Variants in CCND3 observed in about 807,000 individuals in gnomAD.
CCND3 encodes cyclin D3.
CCND3 carries 9 observed loss-of-function variants against 28.7 expected under a neutral mutation model. The observed-to-expected ratio is 0.31, with a 90% CI of 0.19 to 0.55. The LOEUF (loss-of-function observed/expected upper bound fraction) is 0.55. CCND3 is among the 20% of genes least tolerant of loss of function. The probability of loss-of-function intolerance (pLI) is 0.93; values close to 1 mark genes in which losing one functional copy is unlikely to be tolerated. For synonymous variants in CCND3, 164 were observed against 163.9 expected, an observed-to-expected ratio of 1.00 and a Z score of 0.00; for missense variants, 315 against 385.8, an observed-to-expected ratio of 0.82 and a Z score of 1.54.
intron 1 of CCND3, among the ~76,000 whole-genome samples, chr6:41,989,479 A>AAAC (rs1762591326): frequency 6.7e-6 from 1 of 149,726 alleles, no homozygotes; most frequent in African/African-American, 2.5e-5. Flanking sequence ...AAAAAAAAAA[A>AAAC]CAGAAAAGAA....
intron 1 of CCND3, among the ~76,000 whole-genome samples, chr6:41,955,058 A>G (rs1332055988): frequency 6.6e-6 from 1 of 152,174 alleles, no homozygotes; most frequent in Non-Finnish European, 1.5e-5. Context: ...CCTCAAGTTA[A>G]ATATCTTTAC....
intron 1 of CCND3, among the ~76,000 whole-genome samples, chr6:42,042,244 C>T (rs556826842): frequency 6.6e-6 from 1 of 152,310 alleles, no homozygotes; most frequent in South Asian, 2.1e-4. Flanking sequence ...GACGATGATG[C>T]CCATGATATG....
In CCND3 at chr6:41,936,237, T is replaced by C; in HGVS notation, c.712-130A>G. On this transcript the variant is annotated intron_variant, in intron 4 of 4. Coordinates refer to ENST00000372991, the MANE Select transcript of CCND3 (RefSeq NM_001760.5). The surrounding 1 kb of genome is among the most constrained non-coding windows in gnomAD (Gnocchi z 4.4). ...TTAGGCCACAGCCCGGCCCCAGGAA[T>C]CGCTCTTTAGTTCTCAGAAACTAGC... The C allele has an allele frequency of 9.8e-7, 1 of 1,023,614 alleles. No individual in the cohort carries two copies. The highest frequency in any genetic ancestry group is 2.5e-5 in the East Asian group (1 of 39,864). 63.4% of individuals were successfully genotyped at this position (1,023,614 alleles called of 1,614,324 possible). A position where few individuals can be genotyped will look rare whatever the true frequency, so the allele number is the denominator to read the frequency against.
At chr6:41,956,291 C>G (rs533418012) in intron 1 of CCND3, among the ~76,000 whole-genome samples, 5 of 151,120 alleles carry the variant, frequency 3.3e-5, no homozygotes, top group Non-Finnish European at 7.4e-5. Flanking sequence ...GACTCCTTCT[C>G]AAAAAAAATA....
intron 1 of CCND3, among the ~76,000 whole-genome samples, chr6:41,989,794 A>G (rs575070319): frequency 1.3e-5 from 2 of 152,276 alleles, no homozygotes; most frequent in African/African-American, 4.8e-5. Flanking sequence ...TAAAAGTACT[A>G]TTCTATAACC....
At chr6:41,970,042 AAAAAT>A in intron 1 of CCND3, among the ~76,000 whole-genome samples, 1 of 152,036 alleles carries the variant, frequency 6.6e-6, no homozygotes, top group Admixed American at 6.6e-5. Flanking sequence ...CGTATCTAAG[AAAAAT>A]AAAATAAAAT....
intron 1 of CCND3, among the ~76,000 whole-genome samples, chr6:41,959,766 GT>G (rs751353568): frequency 1.3e-5 from 2 of 151,842 alleles, no homozygotes; most frequent in South Asian, 2.1e-4. Context: ...GATCAGCCTG[GT>G]CAATATGGTG....
intron 1 of CCND3, among the ~76,000 whole-genome samples, chr6:41,967,210 C>G (rs981040044): frequency 6.6e-6 from 1 of 152,154 alleles, no homozygotes; most frequent in Non-Finnish European, 1.5e-5. Flanking sequence ...AGGGGGAAGG[C>G]GGAGGAGTGT....
In CCND3 at chr6:42,000,234, C is replaced by CTTTTTTTTTTTTT. The variant is rs70987562; in HGVS notation, c.-46+48254_-46+48266dup. ...AGTCTCGTGGAAATTTGAAAACATA[C>CTTTTTTTTTTTTT]TTTTTTTTTTTTTTTTTTTTTTTTT... is the stretch of plus-strand genomic sequence containing the variant. On this transcript the variant is annotated intron_variant, in intron 1 of 4. Coordinates refer to the CCND3 transcript ENST00000372988. Among the ~76,000 whole-genome samples the CTTTTTTTTTTTTT allele has an allele frequency of 8.9e-3, 453 of 51,050 alleles. 136 individuals carry two copies. The highest frequency in any genetic ancestry group is 0.013 in the East Asian group (16 of 1,230). The allele number at this position is 51,050 out of a possible 152,430, so 33.5% of individuals were successfully genotyped here. A position where few individuals can be genotyped will look rare whatever the true frequency, so the allele number is the denominator to read the frequency against.
In CCND3 at chr6:41,936,359, T is replaced by A; in HGVS notation, c.711+200A>T. On this transcript the variant is annotated intron_variant, in intron 4 of 4. Coordinates refer to ENST00000372991, the MANE Select transcript of CCND3 (RefSeq NM_001760.5). This position sits in a 1 kb window ranked among gnomAD's most constrained non-coding sequence, Gnocchi z 4.4. ...CACCACTTGGCAAGAAAAGAACCCCTAGGGCCAGTGCCCTTCACCCCACCC... is the reference window on the plus strand; with the variant it reads ...CACCACTTGGCAAGAAAAGAACCCCAAGGGCCAGTGCCCTTCACCCCACCC... 1.4e-6 allele frequency: 1 copy of A among 693,004 alleles called. No individual in the cohort carries two copies. Among genetic ancestry groups the A allele is most frequent in the Non-Finnish European group, 2.4e-6 (1 of 422,534 alleles). The allele number at this position is 693,004 out of a possible 1,614,324, so 42.9% of individuals were successfully genotyped here. A position where few individuals can be genotyped will look rare whatever the true frequency, so the allele number is the denominator to read the frequency against.
chr6:42,010,609 C>T (rs1763317064), intron 1 of CCND3, among the ~76,000 whole-genome samples: 1 of 152,136 alleles, frequency 6.6e-6, no homozygotes. Context: ...GGTTAACTGA[C>T]AGGAAAACTG....
intron 1 of CCND3, among the ~76,000 whole-genome samples, chr6:41,965,379 C>T (rs1352918574): frequency 6.6e-6 from 1 of 152,000 alleles, no homozygotes; most frequent in Non-Finnish European, 1.5e-5. Flanking sequence ...TAATAGGTAA[C>T]TTCTAAGACC....
intron 1 of CCND3, among the ~76,000 whole-genome samples, chr6:41,969,831 C>G (rs745823986): frequency 3.3e-5 from 5 of 152,162 alleles, no homozygotes; most frequent in Non-Finnish European, 5.9e-5. Context: ...GCTTAAATCA[C>G]AGATCTACCA....
chr6:42,019,842 A>AT (rs1189202189), intron 1 of CCND3, among the ~76,000 whole-genome samples: 1 of 152,194 alleles, frequency 6.6e-6, no homozygotes, highest in African/African-American at 2.4e-5. Context: ...CAATTTTTAA[A>AT]TTAATAAAGA....
intron 1 of CCND3, among the ~76,000 whole-genome samples, chr6:41,973,788 GC>G (rs1762095845): frequency 6.6e-6 from 1 of 152,200 alleles, no homozygotes; most frequent in Non-Finnish European, 1.5e-5. Context: ...AGTTAATTAG[GC>G]TTTCTGTTGC....
At chr6:41,994,775 T>TA (rs1157494711) in intron 1 of CCND3, among the ~76,000 whole-genome samples, 1 of 151,948 alleles carries the variant, frequency 6.6e-6, no homozygotes, top group Non-Finnish European at 1.5e-5. Flanking sequence ...AAATCTACTC[T>TA]AAAAAAATAA....
chr6:42,002,021 A>G (rs1221867438), intron 1 of CCND3, among the ~76,000 whole-genome samples: 1 of 151,808 alleles, frequency 6.6e-6, no homozygotes, highest in Non-Finnish European at 1.5e-5. Context: ...AGGCTGAGGC[A>G]GGGGAATCAC....
chr6:41,959,596 G>A (rs962157546), intron 1 of CCND3, among the ~76,000 whole-genome samples: 3 of 151,364 alleles, frequency 2.0e-5, no homozygotes, highest in Admixed American at 6.6e-5. Context: ...GCTGAGGCAG[G>A]AGAATCACTT....
chr6:41,949,173 C>T (rs980338563), intron 1 of CCND3, among the ~76,000 whole-genome samples: 3 of 152,128 alleles, frequency 2.0e-5, no homozygotes, highest in Admixed American at 6.5e-5. Context: ...CACAGCAAGA[C>T]CCCATTACTA....
Sources: gnomAD v4.1 joint callset for allele counts (sites outside exome capture counted in the v4.1 genomes callset) on GRCh38, gnomAD v4.1.1 for gene constraint, Gnocchi (gnomAD v3.1) non-coding constraint, MANE v1.5 for transcripts, NCBI Gene and HGNC (gene_info 2026-07-23, HGNC 2026-07-21) for gene names.